Variants in GPR137C observed in about 807,000 individuals in gnomAD.
The protein encoded by GPR137C is G protein-coupled receptor 137C.
A neutral mutation model predicts 43.4 loss-of-function variants in GPR137C; 27 were observed. That is an observed-to-expected ratio of 0.62 (90% CI 0.46 to 0.86). The LOEUF (loss-of-function observed/expected upper bound fraction) is 0.86. Ranked by LOEUF, GPR137C falls within the 40% of genes least tolerant of loss-of-function variation. The pLI is 0.00. For synonymous variants in GPR137C, 285 were observed against 226.9 expected, an observed-to-expected ratio of 1.26 and a Z score of -2.30; for missense variants, 522 against 534.6, an observed-to-expected ratio of 0.98 and a Z score of 0.23.
chr14:52,573,809 G>T (rs942428699), intron 1 of GPR137C, among the ~76,000 whole-genome samples: 9 of 152,060 alleles, frequency 5.9e-5, no homozygotes, highest in South Asian at 4.1e-4. Context: ...GGAGGAAATT[G>T]TTGCAATCTA....
chr14:52,622,455 A>G (rs2139569743), intron 3 of GPR137C, among the ~76,000 whole-genome samples: 1 of 152,200 alleles, frequency 6.6e-6, no homozygotes, highest in East Asian at 1.9e-4. Flanking sequence ...AGTTTTAAGA[A>G]GCTGTTAATC....
intron 1 of GPR137C, among the ~76,000 whole-genome samples, chr14:52,571,586 A>G (rs989423944): frequency 5.3e-5 from 8 of 152,160 alleles, no homozygotes; most frequent in African/African-American, 1.7e-4. Flanking sequence ...AGGCAGGAGA[A>G]TCACTTGAAC....
At chr14:52,614,098 T>A (rs1043119408) in intron 3 of GPR137C, among the ~76,000 whole-genome samples, 1 of 152,066 alleles carries the variant, frequency 6.6e-6, no homozygotes, top group South Asian at 2.1e-4. Flanking sequence ...ATTTCTCTGA[T>A]GTTAAATGAT....
chr14:52,577,895 G>A (rs138914093), intron 1 of GPR137C, among the ~76,000 whole-genome samples: 416 of 152,058 alleles, frequency 2.7e-3, no homozygotes, highest in Admixed American at 5.6e-3. Context: ...AGCCTGGGAG[G>A]CAGAGGTTGC....
intron 3 of GPR137C, chr14:52,611,592 A>G (rs561654030): frequency 4.6e-6 from 2 of 434,668 alleles, no homozygotes; most frequent in Non-Finnish European, 6.1e-6. Flanking sequence ...TATTAAACCT[A>G]CACTTGAAGT....
intron 3 of GPR137C, among the ~76,000 whole-genome samples, chr14:52,616,753 C>A (rs1032592288): frequency 6.6e-6 from 1 of 152,102 alleles, no homozygotes; most frequent in Admixed American, 6.5e-5. Context: ...AGTTTAGTTG[C>A]CAGAAAGATG....
intron 3 of GPR137C, among the ~76,000 whole-genome samples, chr14:52,617,954 T>C (rs1271490942): frequency 6.6e-6 from 1 of 152,198 alleles, no homozygotes; most frequent in African/African-American, 2.4e-5. Context: ...AAATTGCTTA[T>C]AAATGTTATT....
chr14:52,621,630 A>G (rs1329729721), intron 3 of GPR137C, among the ~76,000 whole-genome samples: 2 of 151,914 alleles, frequency 1.3e-5, no homozygotes, highest in Admixed American at 1.3e-4. Context: ...CAACCATAGC[A>G]TAAAGGAGAG....
intron 1 of GPR137C, among the ~76,000 whole-genome samples, chr14:52,572,357 T>C (rs1306556176): frequency 6.6e-6 from 1 of 152,208 alleles, no homozygotes; most frequent in Non-Finnish European, 1.5e-5. Context: ...AATAAAATAC[T>C]GGCAAACCAA....
chr14:52,575,938 A>T (rs1363228842), intron 1 of GPR137C, among the ~76,000 whole-genome samples: 5 of 152,216 alleles, frequency 3.3e-5, no homozygotes, highest in Non-Finnish European at 7.3e-5. Context: ...GATAGAGCTT[A>T]GTCTCTCACT....
chr14:52,554,893 T>G (rs913386902), intron 1 of GPR137C, among the ~76,000 whole-genome samples: 1 of 152,170 alleles, frequency 6.6e-6, no homozygotes, highest in Non-Finnish European at 1.5e-5. Context: ...ATTTTCCTTC[T>G]CCATCCTTTG....
intron 1 of GPR137C, among the ~76,000 whole-genome samples, chr14:52,596,015 T>C (rs1356706931): frequency 6.6e-6 from 1 of 152,224 alleles, no homozygotes; most frequent in Non-Finnish European, 1.5e-5. Flanking sequence ...GTGGATGTCC[T>C]TTTTGTTGAT....
rs1483361601 is a variant in GPR137C, at chr14:52,571,051, G to A, written c.444+17460G>A. On this transcript the variant is annotated intron_variant, in intron 1 of 6. Transcript: ENST00000321662. ...CGAAATATACATTCTTCTCAGCACC[G>A]CATCACACTTATTCTAAAATTGACC... Among the ~76,000 whole-genome samples, 6 of 152,052 alleles carry A rather than the reference G, an allele frequency of 3.9e-5. No individual in the cohort carries two copies. The East Asian group carries it at 5.8e-4, about 15-fold the overall frequency.
At chr14:52,578,116 A>T (rs1282102898) in intron 1 of GPR137C, among the ~76,000 whole-genome samples, 1 of 152,086 alleles carries the variant, frequency 6.6e-6, no homozygotes, top group African/African-American at 2.4e-5. Context: ...TTATTCTTTG[A>T]TTCCAGTGTT....
intron 3 of GPR137C, among the ~76,000 whole-genome samples, chr14:52,623,163 A>G (rs2039179942): frequency 6.6e-6 from 1 of 152,212 alleles, no homozygotes; most frequent in Non-Finnish European, 1.5e-5. Flanking sequence ...AAATGCAACA[A>G]AATAAGCCCT....
At chr14:52,576,583 G>A (rs1198851752) in intron 1 of GPR137C, among the ~76,000 whole-genome samples, 3 of 152,166 alleles carry the variant, frequency 2.0e-5, no homozygotes, top group South Asian at 2.1e-4. Flanking sequence ...AGAGAGCAAC[G>A]TAATAATACT....
At chr14:52,605,057 A>G (rs2038969232) in intron 3 of GPR137C, among the ~76,000 whole-genome samples, 1 of 152,178 alleles carries the variant, frequency 6.6e-6, no homozygotes, top group Admixed American at 6.5e-5. Flanking sequence ...TTGTGGTTCC[A>G]TATAATTTTA....
At chr14:52,556,098 AT>A (rs1354287474) in intron 1 of GPR137C, among the ~76,000 whole-genome samples, 3 of 151,930 alleles carry the variant, frequency 2.0e-5, no homozygotes, top group Non-Finnish European at 4.4e-5. Context: ...CTGATGTTTA[AT>A]TTTTTTAACC....
At chr14:52,615,472 T>G (rs1339298738) in intron 3 of GPR137C, among the ~76,000 whole-genome samples, 1 of 151,704 alleles carries the variant, frequency 6.6e-6, no homozygotes, top group Non-Finnish European at 1.5e-5. Context: ...TTAGGGTTTT[T>G]TTTTTTTTTG....
Sources: allele counts gnomAD v4.1 joint callset (sites outside exome capture counted in the v4.1 genomes callset), GRCh38; gene constraint gnomAD v4.1.1; transcripts MANE v1.5; gene names NCBI Gene and HGNC (gene_info 2026-07-23, HGNC 2026-07-21).